SIRPA: variants seen among roughly 807,000 people sequenced by gnomAD.
SIRPA encodes signal regulatory protein alpha, also known as tyrosine-protein phosphatase non-receptor type substrate 1.
SIRPA carries 9 observed loss-of-function variants against 50.3 expected under a neutral mutation model. The ratio of observed to expected loss-of-function variants is 0.18; its 90% confidence interval spans 0.11 to 0.31. The LOEUF (loss-of-function observed/expected upper bound fraction) is 0.31, where lower values mean the gene tolerates loss of function less well. SIRPA is among the 10% of genes least tolerant of loss of function. SIRPA has a pLI of 1.00. For synonymous variants in SIRPA, 265 were observed against 284.1 expected (o/e 0.93, Z 0.68); for missense variants, 474 against 661.6 (o/e 0.72, Z 3.11).
rs1986751330 is a variant in SIRPA, at chr20:1,939,086, A to T, written c.*1518A>T. 1 of 152,550 alleles carries T rather than the reference A, an allele frequency of 6.6e-6. No homozygotes were observed. The highest frequency in any genetic ancestry group is 1.5e-5 in the Non-Finnish European group (1 of 68,032). 9.4% of individuals were successfully genotyped at this position (152,550 alleles called of 1,614,324 possible). A position where few individuals can be genotyped will look rare whatever the true frequency, so the allele number is the denominator to read the frequency against. On this transcript the variant is annotated 3_prime_UTR_variant, in exon 8 of 8. Coordinates refer to ENST00000358771, the MANE Select transcript of SIRPA (RefSeq NM_001040023.2). The surrounding 1 kb of genome is among the most constrained non-coding windows in gnomAD (Gnocchi z 4.7). ...CCCAGAAGGTTGGCCAGAGGGTGTGACCCAGTTACCCTTTAACCCCCACCC... is the reference window on the plus strand; with the variant it reads ...CCCAGAAGGTTGGCCAGAGGGTGTGTCCCAGTTACCCTTTAACCCCCACCC...
chr20:1,920,267 G>A (rs1985570765), intron 2 of SIRPA, among the ~76,000 whole-genome samples: 2 of 152,198 alleles, frequency 1.3e-5, no homozygotes, highest in Admixed American at 6.5e-5. Flanking sequence ...CAGGCCGCTG[G>A]CCTCAATGAC....
Position 1,928,574 on chromosome 20 carries a change from G to T in SIRPA, c.1226+675G>T, listed in dbSNP as rs1986129524. On this transcript the variant is annotated intron_variant, in intron 6 of 7. Coordinates refer to ENST00000358771, the MANE Select transcript of SIRPA (RefSeq NM_001040023.2). This position sits in a 1 kb window ranked among gnomAD's most constrained non-coding sequence, Gnocchi z 4.9. ...ACAGGCATAAACGCAGAAATAAAGT[G>T]ATTCATGGTGTCATATCAGGTGGTG... Among the ~76,000 whole-genome samples, 3 of 152,198 alleles carry T rather than the reference G, an allele frequency of 2.0e-5. No homozygotes were observed. Among genetic ancestry groups the T allele is most frequent in the Admixed American group, 2.0e-4 (3 of 15,280 alleles).
chr20:1,895,569 C>T (rs1983748747), intron 1 of SIRPA, 43 bp downstream of exon 1: 2 of 1,352,326 alleles, frequency 1.5e-6, no homozygotes. Flanking sequence ...CCCCAAACTG[C>T]GGGCTCAGGC....
rs1986374240 is a variant in SIRPA, at chr20:1,932,985, G to A, written c.1227-1730G>A. 6.6e-6 allele frequency among the ~76,000 whole-genome samples: 1 copy of A among 152,220 alleles called. No individual in the cohort carries two copies. The highest frequency in any genetic ancestry group is 6.5e-5 in the Admixed American group (1 of 15,290). ...TTGAAAGAGAAGAACCCAATGTTTT[G>A]AGAATGGAGTTTGGGGGTTCAGTGA... On this transcript the variant is annotated intron_variant, in intron 6 of 7. Coordinates refer to ENST00000358771, the MANE Select transcript of SIRPA (RefSeq NM_001040023.2). The surrounding 1 kb of genome is among the most constrained non-coding windows in gnomAD (Gnocchi z 6.0).
At chr20:1,901,163 C>CTTTTTTTTTTTTTTTTTT (rs869181595) in intron 1 of SIRPA, among the ~76,000 whole-genome samples, 1 of 78,838 alleles carries the variant, frequency 1.3e-5, no homozygotes, top group African/African-American at 5.0e-5. Context: ...TTCTTTCTTT[C>CTTTTTTTTTTTTTTTTTT]TTTTTTTTTT....
At position 1,927,988 on chromosome 20, in the gene SIRPA, T is replaced by C; in HGVS notation, c.1226+89T>C. ...ACTACAAAGCATAATCCATGTCCACTGACCTCACCAATGTGTTGGTCAACA... is the reference window on the plus strand; with the variant it reads ...ACTACAAAGCATAATCCATGTCCACCGACCTCACCAATGTGTTGGTCAACA... On this transcript the variant is annotated intron_variant, in intron 6 of 7. Transcript: ENST00000358771. This position sits in a 1 kb window ranked among gnomAD's most constrained non-coding sequence, Gnocchi z 6.5. 3 of 1,084,974 alleles carry C rather than the reference T, an allele frequency of 2.8e-6. No homozygotes were observed. The highest frequency in any genetic ancestry group is 4.3e-6 in the Non-Finnish European group (3 of 697,256). 67.2% of individuals were successfully genotyped at this position (1,084,974 alleles called of 1,614,324 possible).
At chr20:1,900,340 T>TCTGC (rs1568492724) in intron 1 of SIRPA, among the ~76,000 whole-genome samples, 1 of 152,152 alleles carries the variant, frequency 6.6e-6, no homozygotes, top group Non-Finnish European at 1.5e-5. Context: ...CCCCAGGTGA[T>TCTGC]CCACCTCCCA....
Position 1,928,257 on chromosome 20 carries a change from T to C in SIRPA, c.1226+358T>C, listed in dbSNP as rs1271098864. Among the ~76,000 whole-genome samples the C allele has an allele frequency of 1.3e-5, 2 of 152,204 alleles. No homozygotes were observed. Among genetic ancestry groups the C allele is most frequent in the African/African-American group, 4.8e-5 (2 of 41,454 alleles). Reference sequence around the variant, plus strand: ...CAGATCCAAGTTGTATACTTTACTCTTTCCTTTGTTTAGTAAATATTTATT... The same window carrying C: ...CAGATCCAAGTTGTATACTTTACTCCTTCCTTTGTTTAGTAAATATTTATT... On this transcript the variant is annotated intron_variant, in intron 6 of 7. Transcript: ENST00000358771. This position sits in a 1 kb window ranked among gnomAD's most constrained non-coding sequence, Gnocchi z 4.9.
At chr20:1,910,314 G>T (rs1255507921) in intron 1 of SIRPA, among the ~76,000 whole-genome samples, 1 of 150,278 alleles carries the variant, frequency 6.7e-6, no homozygotes, top group East Asian at 2.0e-4. Flanking sequence ...GCTCCCCTTA[G>T]GAAACGTGTT....
Position 1,934,857 on chromosome 20 carries a change from G to GGTGGA in SIRPA, c.1266+105_1266+109dup. 1.7e-6 allele frequency: 2 copies of GGTGGA among 1,207,142 alleles called. No individual in the cohort carries two copies. Among genetic ancestry groups the GGTGGA allele is most frequent in the Admixed American group, 1.7e-5 (1 of 58,166 alleles). The allele number at this position is 1,207,142 out of a possible 1,614,324, so 74.8% of individuals were successfully genotyped here. A position where few individuals can be genotyped will look rare whatever the true frequency, so the allele number is the denominator to read the frequency against. ...GGTTCTAAATTAAGACTCCTTGTGG[G>GGTGGA]GTGGAGGGTGGAGGATCTTACACTC... On this transcript the variant is annotated intron_variant, in intron 7 of 7. Coordinates refer to ENST00000358771, the MANE Select transcript of SIRPA (RefSeq NM_001040023.2). This position sits in a 1 kb window ranked among gnomAD's most constrained non-coding sequence, Gnocchi z 4.6.
intron 1 of SIRPA, among the ~76,000 whole-genome samples, chr20:1,899,571 C>T (rs764592311): frequency 2.6e-5 from 4 of 152,184 alleles, no homozygotes; most frequent in Non-Finnish European, 4.4e-5. Context: ...TGCCTTGGCC[C>T]GTGCTGTTCC....
Position 1,936,235 on chromosome 20 carries a change from G to A in SIRPA, c.1267-1085G>A, listed in dbSNP as rs552113240. On this transcript the variant is annotated intron_variant, in intron 7 of 7. Coordinates refer to ENST00000358771, the MANE Select transcript of SIRPA (RefSeq NM_001040023.2). This position sits in a 1 kb window ranked among gnomAD's most constrained non-coding sequence, Gnocchi z 4.2. Reference sequence around the variant, plus strand: ...GGAGCAAAGTTTATCATTCATGATGGGCGCTTTTGAGGCGGCAGTGGCAGG... The same window carrying A: ...GGAGCAAAGTTTATCATTCATGATGAGCGCTTTTGAGGCGGCAGTGGCAGG... Among the ~76,000 whole-genome samples the A allele has an allele frequency of 5.7e-4, 87 of 152,294 alleles. No individual in the cohort carries two copies. Among genetic ancestry groups the A allele is most frequent in the African/African-American group, 1.8e-3 (73 of 41,568 alleles).
intron 7 of SIRPA, among the ~76,000 whole-genome samples, chr20:1,935,019 G>T (rs1406873865): frequency 1.3e-5 from 2 of 152,150 alleles, no homozygotes; most frequent in African/African-American, 4.8e-5. Flanking sequence ...TGAAAATGGT[G>T]CCCTGGAGTC....
chr20:1,896,170 T>A (rs1600383206), intron 1 of SIRPA, among the ~76,000 whole-genome samples: 2 of 152,116 alleles, frequency 1.3e-5, no homozygotes, highest in East Asian at 3.9e-4. Context: ...TGCCAAAGCC[T>A]CTCCCTGGTG....
chr20:1,910,039 G>A (rs549273488), intron 1 of SIRPA, among the ~76,000 whole-genome samples: 1 of 152,142 alleles, frequency 6.6e-6, no homozygotes, highest in Admixed American at 6.5e-5. Flanking sequence ...GGAAGGGGCC[G>A]GGAGATGGGA....
chr20:1,934,905 C>T lies in SIRPA; in HGVS notation c.1266+151C>T. 1.2e-6 allele frequency: 1 copy of T among 814,658 alleles called. No homozygotes were observed. The allele number at this position is 814,658 out of a possible 1,614,324, so 50.5% of individuals were successfully genotyped here. On this transcript the variant is annotated intron_variant, in intron 7 of 7. Coordinates refer to ENST00000358771, the MANE Select transcript of SIRPA (RefSeq NM_001040023.2). The surrounding 1 kb of genome is among the most constrained non-coding windows in gnomAD (Gnocchi z 4.6). ...CTCCTAGCTTTCCCCATGTCCTGTG[C>T]ATATTCCTTCTCTCTACTGCAGCCA...
chr20:1,896,192 T>G (rs537714243), intron 1 of SIRPA, among the ~76,000 whole-genome samples: 1 of 152,174 alleles, frequency 6.6e-6, no homozygotes, highest in Non-Finnish European at 1.5e-5. Flanking sequence ...TCTTGCTCCT[T>G]GAGGCGCTCC....
chr20:1,916,796 C>T (rs4813331), intron 2 of SIRPA, among the ~76,000 whole-genome samples: 56,415 of 152,000 alleles, frequency 0.37, 10,775 homozygotes, highest in East Asian at 0.65. Flanking sequence ...TGACCTTATA[C>T]ATGTGTGACC....
intron 1 of SIRPA, among the ~76,000 whole-genome samples, chr20:1,899,025 C>T (rs1008418997): frequency 1.3e-5 from 2 of 152,092 alleles, no homozygotes; most frequent in Non-Finnish European, 2.9e-5. Flanking sequence ...CACACGCGCT[C>T]GCTTGCTGCT....
Sources: allele counts gnomAD v4.1 joint callset (sites outside exome capture counted in the v4.1 genomes callset), GRCh38; gene constraint gnomAD v4.1.1; non-coding constraint Gnocchi (gnomAD v3.1); transcripts MANE v1.5; gene names NCBI Gene and HGNC (gene_info 2026-07-23, HGNC 2026-07-21).